Variants in SNX2 observed in about 807,000 individuals in gnomAD.
The protein encoded by SNX2 is sorting nexin 2, also known as sorting nexin-2.
In SNX2, 25 loss-of-function variants were observed where a neutral mutation model predicts 69.9. The ratio of observed to expected loss-of-function variants is 0.36; its 90% CI spans 0.26 to 0.50. SNX2 has a LOEUF of 0.50. Ranked by LOEUF, SNX2 falls within the 20% of genes least tolerant of loss-of-function variation. The pLI, the probability that SNX2 is intolerant of heterozygous loss-of-function variation, is 0.97. For missense variants in SNX2, 551 were observed against 613.3 expected, an observed-to-expected ratio of 0.90 and a Z score of 1.07; for synonymous variants, 229 against 200.4, an observed-to-expected ratio of 1.14 and a Z score of -1.20.
chr5:122,800,874 T>C (rs767354484), intron 3 of SNX2, among the ~76,000 whole-genome samples: 44 of 152,226 alleles, frequency 2.9e-4, no homozygotes, highest in Non-Finnish European at 5.7e-4. Flanking sequence ...AACTTTGTGC[T>C]TGAGAATAAC....
chr5:122,793,790 G>A (rs1156746415), intron 1 of SNX2, among the ~76,000 whole-genome samples: 1 of 151,468 alleles, frequency 6.6e-6, no homozygotes, highest in Non-Finnish European at 1.5e-5. Flanking sequence ...GCAGACACCT[G>A]TAATCCCAGC....
At position 122,775,230 on chromosome 5, in the gene SNX2, G is replaced by T; in HGVS notation, c.108+19G>T. 1 of 1,544,948 alleles carries T rather than the reference G, an allele frequency of 6.5e-7. No homozygotes were observed. Among genetic ancestry groups the T allele is most frequent in the Non-Finnish European group, 8.7e-7 (1 of 1,142,994 alleles). ...CCTAGAGGTGAGACCGCGTCGCTGC[G>T]GGTGCTGCGCTGCGTAGCTGCCGCG... is the stretch of plus-strand genomic sequence containing the variant. On this transcript the variant is annotated intron_variant, in intron 1 of 14. Transcript: ENST00000379516.
At chr5:122,817,786 T>C (rs559351811) in intron 10 of SNX2, among the ~76,000 whole-genome samples, 2 of 152,186 alleles carry the variant, frequency 1.3e-5, no homozygotes, top group South Asian at 2.1e-4. Context: ...TTTTTGAAAA[T>C]TTTTTGGAAA....
chr5:122,824,028 C>T (rs556898414), intron 11 of SNX2, among the ~76,000 whole-genome samples: 3 of 151,674 alleles, frequency 2.0e-5, no homozygotes, highest in Non-Finnish European at 4.4e-5. Context: ...AGTGAAACCC[C>T]GTCTCTTCTA....
At chr5:122,785,756 A>T (rs1464211169) in intron 1 of SNX2, among the ~76,000 whole-genome samples, 1 of 151,964 alleles carries the variant, frequency 6.6e-6, no homozygotes, top group South Asian at 2.1e-4. Flanking sequence ...TATGCTTTCC[A>T]TTTTTTTAAT....
intron 1 of SNX2, among the ~76,000 whole-genome samples, chr5:122,794,855 AAAAT>A (rs779285188): frequency 6.6e-6 from 1 of 151,776 alleles, no homozygotes; most frequent in Non-Finnish European, 1.5e-5. Context: ...ATCTCTACAA[AAAAT>A]AAATAAATAA....
At chr5:122,785,812 A>G (rs1277901934) in intron 1 of SNX2, among the ~76,000 whole-genome samples, 3 of 152,036 alleles carry the variant, frequency 2.0e-5, no homozygotes, top group African/African-American at 7.2e-5. Flanking sequence ...TATTATGCTA[A>G]GTGTTCTGTG....
chr5:122,815,862 A>T, intron 7 of SNX2, 34 bp from the exon 8 acceptor site: 1 of 1,147,160 alleles, frequency 8.7e-7, no homozygotes, highest in Non-Finnish European at 1.3e-6. Context: ...TCAAGATGCT[A>T]CTGATAAAGG....
chr5:122,806,254 T>C (rs1368561090), intron 6 of SNX2, among the ~76,000 whole-genome samples: 1 of 151,674 alleles, frequency 6.6e-6, no homozygotes, highest in Non-Finnish European at 1.5e-5. Context: ...ATAAATGTAG[T>C]CAAATAGTAA....
At chr5:122,827,281 C>G (rs1373415554) in intron 12 of SNX2, 98 bp from the exon 13 acceptor site, 1 of 979,296 alleles carries the variant, frequency 1.0e-6, no homozygotes, top group Non-Finnish European at 1.5e-6. Context: ...TGAGCTTTCT[C>G]AGGATTTTCA....
chr5:122,802,946 G>A (rs765202877), intron 5 of SNX2, among the ~76,000 whole-genome samples: 2 of 152,002 alleles, frequency 1.3e-5, no homozygotes, highest in African/African-American at 2.4e-5. Context: ...AAGGCAACAC[G>A]GGCAGGAACA....
chr5:122,778,586 G>A (rs913567026), intron 1 of SNX2, among the ~76,000 whole-genome samples: 3 of 152,068 alleles, frequency 2.0e-5, no homozygotes, highest in Non-Finnish European at 1.5e-5. Context: ...TTGGCTCACT[G>A]CAGTCTCCAC....
chr5:122,816,117 C>A, intron 8 of SNX2, 146 bp downstream of exon 8: 1 of 434,270 alleles, frequency 2.3e-6, no homozygotes. Flanking sequence ...CTTTAATTAC[C>A]CTGCTAAATT....
intron 2 of SNX2, among the ~76,000 whole-genome samples, chr5:122,797,528 C>T (rs1467208553): frequency 6.6e-6 from 1 of 152,072 alleles, no homozygotes; most frequent in Non-Finnish European, 1.5e-5. Flanking sequence ...TACATTTTAA[C>T]AGGTGTAGCA....
chr5:122,808,103 G>A (rs11241658), intron 6 of SNX2, among the ~76,000 whole-genome samples, 174 bp from the exon 7 acceptor site: 30,946 of 152,000 alleles, frequency 0.2, 3,573 homozygotes, highest in East Asian at 0.46. Flanking sequence ...AGATGTTAAC[G>A]TATCATGAGA....
At chr5:122,816,837 G>A (rs1330256199) in intron 8 of SNX2, 78 bp from the exon 9 acceptor site, 1 of 635,100 alleles carries the variant, frequency 1.6e-6, no homozygotes, top group Non-Finnish European at 2.7e-6. Context: ...GGGGGAGGAG[G>A]GGGGATCACT....
chr5:122,819,271 G>A (rs1385759299), intron 11 of SNX2, among the ~76,000 whole-genome samples: 2 of 152,110 alleles, frequency 1.3e-5, no homozygotes, highest in African/African-American at 4.8e-5. Flanking sequence ...ATTTACTTAT[G>A]TATTTGCTTA....
chr5:122,801,761 T>C, intron 3 of SNX2, 108 bp from the exon 4 acceptor site: 1 of 702,624 alleles, frequency 1.4e-6, no homozygotes, highest in Non-Finnish European at 2.4e-6. Context: ...GTGGCTAAAT[T>C]ATTTGTTGTG....
At position 122,795,930 on chromosome 5, in the gene SNX2, T is replaced by C. The variant is rs576708801; in HGVS notation, c.226+547T>C. Among the ~76,000 whole-genome samples, 68 of 152,340 alleles carry C rather than the reference T, an allele frequency of 4.5e-4. 1 individual carries two copies. The highest frequency in any genetic ancestry group is 6.2e-4 in the South Asian group (3 of 4,832). ...TAAGAAGGACTCTGTTTAACAATTA[T>C]CTGCTTTAAAATTAAAATTAATGTT... On this transcript the variant is annotated intron_variant, in intron 2 of 14. Coordinates refer to ENST00000379516, the MANE Select transcript of SNX2 (RefSeq NM_003100.4).
Sources: allele counts gnomAD v4.1 joint callset (sites outside exome capture counted in the v4.1 genomes callset), GRCh38; gene constraint gnomAD v4.1.1; transcripts MANE v1.5; gene names NCBI Gene and HGNC (gene_info 2026-07-23, HGNC 2026-07-21).